Variants in UCHL5 observed in about 807,000 individuals in gnomAD.
UCHL5 encodes ubiquitin carboxyl-terminal hydrolase isozyme L5.
A neutral mutation model predicts 53.8 loss-of-function variants in UCHL5; 34 were observed. That is an observed-to-expected ratio of 0.63 (90% CI 0.48 to 0.84). The LOEUF (loss-of-function observed/expected upper bound fraction) is 0.84. Ranked by LOEUF, UCHL5 falls within the 40% of genes least tolerant of loss-of-function variation. The pLI is 0.00. For missense variants in UCHL5, 290 were observed against 385.6 expected, an observed-to-expected ratio of 0.75 and a Z score of 2.08; for synonymous variants, 111 against 126.3, an observed-to-expected ratio of 0.88 and a Z score of 0.81.
At position 193,029,167 on chromosome 1, in the gene UCHL5, G is replaced by A; in HGVS notation, c.565+12C>T. On this transcript the variant is annotated intron_variant, in intron 6 of 10. Transcript: ENST00000367454. ...GTCAAAAGTGAAATATCAGGAACAG[G>A]AACTGCATTACCTAAATCAATCGGT... The A allele has an allele frequency of 1.9e-6, 3 of 1,608,692 alleles. No individual in the cohort carries two copies. In the Middle Eastern group the frequency reaches 5.0e-4, roughly 267 times the overall value.
chr1:193,029,500 T>G (rs773140664), intron 4 of UCHL5, 32 bp downstream of exon 4: 2 of 1,612,876 alleles, frequency 1.2e-6, no homozygotes, highest in Admixed American at 3.3e-5. Context: ...TTCACAAATA[T>G]GACATTTTAG....
At position 193,014,524 on chromosome 1, in the gene UCHL5, C is replaced by A. The variant is rs1233194163; in HGVS notation, c.*1827G>T. The A allele has an allele frequency of 6.6e-6, 1 of 152,004 alleles. No individual in the cohort carries two copies. Among genetic ancestry groups the A allele is most frequent in the Non-Finnish European group, 1.5e-5 (1 of 67,980 alleles). 9.4% of individuals were successfully genotyped at this position (152,004 alleles called of 1,614,324 possible). A position where few individuals can be genotyped will look rare whatever the true frequency, so the allele number is the denominator to read the frequency against. ...TGTGACCTAAGAAACCTTTGGCTAA[C>A]CCCCCAAGTCACAAAAATATCATCT... On this transcript the variant is annotated 3_prime_UTR_variant, in exon 11 of 11. Transcript: ENST00000367454.
At position 193,033,985 on chromosome 1, in the gene UCHL5, G is replaced by C. The variant is rs539119366; in HGVS notation, c.247-4328C>G. Among the ~76,000 whole-genome samples, 8 of 152,336 alleles carry C rather than the reference G, an allele frequency of 5.3e-5. No individual in the cohort carries two copies. In the South Asian group the frequency reaches 1.7e-3, roughly 32 times the overall value. The stretch of plus-strand genomic sequence containing the variant: ...TTGTACTAGTGTGGTTATAGTCATA[G>C]TGGGGTTATTCTTTACCTTGTTAAG... On this transcript the variant is annotated intron_variant, in intron 3 of 10. Transcript: ENST00000367454.
At chr1:193,028,663 C>G (rs1660243550) in intron 6 of UCHL5, among the ~76,000 whole-genome samples, 1 of 152,080 alleles carries the variant, frequency 6.6e-6, no homozygotes, top group South Asian at 2.1e-4. Flanking sequence ...TCATTTTTTG[C>G]TCAGCATTAG....
intron 3 of UCHL5, among the ~76,000 whole-genome samples, chr1:193,042,447 C>A (rs1268361202): frequency 6.6e-6 from 1 of 152,150 alleles, no homozygotes; most frequent in Non-Finnish European, 1.5e-5. Flanking sequence ...TTCTTATAAT[C>A]CCATTCTGGG....
chr1:193,041,001 A>G (rs1665373410), intron 3 of UCHL5, among the ~76,000 whole-genome samples: 1 of 152,180 alleles, frequency 6.6e-6, no homozygotes, highest in Non-Finnish European at 1.5e-5. Flanking sequence ...GGGGTGGTGA[A>G]GAGGATGAAG....
In UCHL5 at chr1:193,013,254, C is replaced by T. The variant is rs1654413580; in HGVS notation, c.*3097G>A. ...GAGCAGTTCCCTAGGTACACCAATA[C>T]TGTATGTTTGGATGGGAGTAATCTC... On this transcript the variant is annotated 3_prime_UTR_variant, in exon 11 of 11. Transcript: ENST00000367454. 1 of 152,174 alleles carries T rather than the reference C, an allele frequency of 6.6e-6. No individual in the cohort carries two copies. Among genetic ancestry groups the T allele is most frequent in the South Asian group, 2.1e-4 (1 of 4,836 alleles). The allele number at this position is 152,174 out of a possible 1,614,324, so 9.4% of individuals were successfully genotyped here. A position where few individuals can be genotyped will look rare whatever the true frequency, so the allele number is the denominator to read the frequency against.
chr1:193,022,843 C>A (rs955433206), intron 9 of UCHL5, 83 bp downstream of exon 9: 3 of 894,630 alleles, frequency 3.4e-6, no homozygotes, highest in African/African-American at 3.3e-5. Context: ...GGAGGGAAAG[C>A]CATCAGATAT....
chr1:193,059,555 A>C (rs947062013), upstream of UCHL5: 10 of 1,530,794 alleles, frequency 6.5e-6, no homozygotes, highest in African/African-American at 1.1e-4. The surrounding 1 kb of genome is among the most constrained non-coding windows in gnomAD (Gnocchi z 4.9). Context: ...CCGAGGAGGC[A>C]ACATCCGGGA....
At chr1:193,034,341 A>G (rs1424076694) in intron 3 of UCHL5, among the ~76,000 whole-genome samples, 1 of 152,038 alleles carries the variant, frequency 6.6e-6, no homozygotes, top group Admixed American at 6.5e-5. Flanking sequence ...ATGATTTTGA[A>G]AATTTAAGCT....
At chr1:193,031,546 T>C (rs1661406693) in intron 3 of UCHL5, among the ~76,000 whole-genome samples, 1 of 152,166 alleles carries the variant, frequency 6.6e-6, no homozygotes. Context: ...ACAATGTACA[T>C]GGGTATGAGA....
At chr1:193,018,758 C>T in intron 10 of UCHL5, 1 of 1,526,702 alleles carries the variant, frequency 6.6e-7, no homozygotes, top group Non-Finnish European at 8.8e-7. Flanking sequence ...ATGGTGCAGC[C>T]ATATCTTTCC....
chr1:193,051,476 T>TAAAAAA (rs375074775), intron 2 of UCHL5, among the ~76,000 whole-genome samples: 2 of 119,726 alleles, frequency 1.7e-5, no homozygotes, highest in African/African-American at 3.2e-5. Flanking sequence ...GTGAATTTTG[T>TAAAAAA]AAAAAAAAAA....
intron 10 of UCHL5, among the ~76,000 whole-genome samples, chr1:193,016,612 G>C (rs1654980029): frequency 6.6e-6 from 1 of 151,630 alleles, no homozygotes; most frequent in Non-Finnish European, 1.5e-5. Context: ...ATCATGTTTG[G>C]TTTGCAGTTC....
chr1:193,029,084 T>C, intron 6 of UCHL5, 95 bp downstream of exon 6: 1 of 1,462,430 alleles, frequency 6.8e-7, no homozygotes, highest in Non-Finnish European at 9.2e-7. Flanking sequence ...ATAGTCACTT[T>C]TACCTTGAAA....
chr1:193,040,092 A>G (rs1252060235), intron 3 of UCHL5, among the ~76,000 whole-genome samples: 1 of 152,142 alleles, frequency 6.6e-6, no homozygotes, highest in East Asian at 1.9e-4. Flanking sequence ...CGGGGCAAAA[A>G]TTTTTTAGTA....
upstream of UCHL5, chr1:193,059,870 C>T (rs771140463): frequency 1.5e-5 from 20 of 1,364,718 alleles, no homozygotes; most frequent in South Asian, 1.5e-4. This position sits in a 1 kb window ranked among gnomAD's most constrained non-coding sequence, Gnocchi z 4.9. Context: ...CACCCGCATC[C>T]CAGGGGTTGA....
At chr1:193,034,260 G>A (rs941715395) in intron 3 of UCHL5, among the ~76,000 whole-genome samples, 1 of 151,514 alleles carries the variant, frequency 6.6e-6, no homozygotes, top group African/African-American at 2.4e-5. Context: ...AGAAATCTAG[G>A]AATTAGAAAT....
chr1:193,034,988 CTCTTT>C (rs1351687648), intron 3 of UCHL5, among the ~76,000 whole-genome samples: 2 of 151,928 alleles, frequency 1.3e-5, no homozygotes, highest in African/African-American at 2.4e-5. Flanking sequence ...AAGAGGCATT[CTCTTT>C]TAAGTTGCAA....
Sources: allele counts gnomAD v4.1 joint callset (sites outside exome capture counted in the v4.1 genomes callset), GRCh38; gene constraint gnomAD v4.1.1; non-coding constraint Gnocchi (gnomAD v3.1); transcripts MANE v1.5; gene names NCBI Gene and HGNC (gene_info 2026-07-23, HGNC 2026-07-21).